The following ATAD2B variants were observed in gnomAD, a reference collection of about 807,000 sequenced individuals.
ATAD2B encodes ATPase family AAA domain containing 2B.
A neutral mutation model predicts 167.6 loss-of-function variants in ATAD2B; 40 were observed. The observed-to-expected ratio is 0.24, with a 90% CI of 0.19 to 0.31. The LOEUF (loss-of-function observed/expected upper bound fraction) is 0.31. Among genes scored for constraint, ATAD2B ranks in the 10% least tolerant of loss-of-function variants. The pLI is 1.00. For missense variants in ATAD2B, 1,242 were observed against 1,757.2 expected (o/e 0.71, Z 5.24); for synonymous variants, 579 against 596.5 (o/e 0.97, Z 0.43).
At chr2:23,894,788 T>TG (rs1022547277) in intron 2 of ATAD2B, among the ~76,000 whole-genome samples, 2 of 152,160 alleles carry the variant, frequency 1.3e-5, no homozygotes, top group Non-Finnish European at 2.9e-5. Flanking sequence ...TGTATGGGTG[T>TG]GGGAAAGAAA....
intron 18 of ATAD2B, among the ~76,000 whole-genome samples, chr2:23,805,795 T>TAAAAAAAAAAAAAAAA (rs3030816): frequency 6.9e-5 from 7 of 100,960 alleles, no homozygotes; most frequent in Admixed American, 2.4e-4. Flanking sequence ...TATCAAGCTT[T>TAAAAAAAAAAAAAAAA]AAAAAAAAAA....
the ATAD2B span, chr2:23,693,421 G>C: frequency 6.4e-7 from 1 of 1,551,714 alleles, no homozygotes. Flanking sequence ...CTCCAAGGAC[G>C]ACTTCATCGC....
At chr2:23,879,729 G>A (rs1410830647) in intron 7 of ATAD2B, among the ~76,000 whole-genome samples, 4 of 151,982 alleles carry the variant, frequency 2.6e-5, no homozygotes, top group African/African-American at 7.2e-5. Context: ...TTGTGACCTC[G>A]GGTAAGTCAC....
At chr2:23,691,885 G>A in the ATAD2B span, 183 of 1,546,308 alleles carry the variant, frequency 1.2e-4, no homozygotes, top group Non-Finnish European at 1.5e-4. Context: ...CGGTGAGCCC[G>A]GGGGCCACAT....
rs1573053676 is a variant in ATAD2B, at chr2:23,854,957, G to A, written c.1568+2458C>T. Among the ~76,000 whole-genome samples, 3 of 152,296 alleles carry A rather than the reference G, an allele frequency of 2.0e-5. No individual in the cohort carries two copies. In the South Asian group the frequency reaches 6.2e-4, roughly 32 times the overall value. ...TGCCTGTAATCCCAGCACTTTGGGA[G>A]GCCACGGCAGGCAGATCACTTGAGG... On this transcript the variant is annotated intron_variant, in intron 13 of 27. Transcript: ENST00000238789.
intron 22 of ATAD2B, among the ~76,000 whole-genome samples, chr2:23,781,533 C>G (rs1680056708): frequency 6.6e-6 from 1 of 151,674 alleles, no homozygotes; most frequent in Non-Finnish European, 1.5e-5. Flanking sequence ...GACGTGGTGG[C>G]AGGTGCCTGA....
downstream of ATAD2B, among the ~76,000 whole-genome samples, chr2:23,746,601 G>A (rs1184009261): frequency 6.6e-6 from 1 of 152,090 alleles, no homozygotes; most frequent in Non-Finnish European, 1.5e-5. Flanking sequence ...AAGGATTAGT[G>A]CCCAAACTAA....
intron 1 of ATAD2B, among the ~76,000 whole-genome samples, chr2:23,917,096 G>A (rs537221010): frequency 1.3e-5 from 2 of 152,298 alleles, no homozygotes; most frequent in South Asian, 2.1e-4. Flanking sequence ...CTATGATTTT[G>A]CAACTCAAAA....
At chr2:23,741,222 CA>C in the ATAD2B span, among the ~76,000 whole-genome samples, 1 of 151,972 alleles carries the variant, frequency 6.6e-6, no homozygotes, top group Non-Finnish European at 1.5e-5. Context: ...CATATGGAAC[CA>C]AAAAAGAGCC....
At chr2:23,785,334 ATT>A (rs1209755316) in intron 21 of ATAD2B, among the ~76,000 whole-genome samples, 1 of 152,136 alleles carries the variant, frequency 6.6e-6, no homozygotes, top group Non-Finnish European at 1.5e-5. Context: ...TAAAGATTAC[ATT>A]GTGTTCATCC....
rs188224470 is a variant in ATAD2B at position 23,779,235 on chromosome 2, G to A, written c.3133+3634C>T. Among the ~76,000 whole-genome samples the A allele has an allele frequency of 2.1e-3, 316 of 147,504 alleles. 1 individual carries two copies. The highest frequency in any genetic ancestry group is 3.7e-3 in the Non-Finnish European group (250 of 67,310). On this transcript the variant is annotated intron_variant, in intron 22 of 27. Transcript: ENST00000238789. ...CTGTCTCCCAGGCTGGAGTGCAGTG[G>A]CGTGATCTCAGCTCACTGCAAGCTC...
chr2:23,723,386 AGAGGAGAGGT>A, the ATAD2B span, among the ~76,000 whole-genome samples: 2 of 139,236 alleles, frequency 1.4e-5, no homozygotes, highest in Admixed American at 7.2e-5. Context: ...AGGGGCAGGG[AGAGGAGAGGT>A]GAGGAGAGGC....
rs529006305 is a variant in ATAD2B at position 23,766,075 on chromosome 2, A to G, written c.3134-447T>C. Among the ~76,000 whole-genome samples the G allele has an allele frequency of 5.9e-5, 9 of 152,328 alleles. No homozygotes were observed. In the South Asian group the frequency reaches 1.7e-3, roughly 28 times the overall value. ...TCAAAACTATGCTAAAGAATACAATATATTTTAAAGGTGACTTATTTTTTT... is the reference window on the plus strand; with the variant it reads ...TCAAAACTATGCTAAAGAATACAATGTATTTTAAAGGTGACTTATTTTTTT... On this transcript the variant is annotated intron_variant, in intron 22 of 27. Transcript: ENST00000238789.
intron 18 of ATAD2B, among the ~76,000 whole-genome samples, chr2:23,803,204 A>T (rs1425824484): frequency 6.6e-6 from 1 of 152,090 alleles, no homozygotes; most frequent in African/African-American, 2.4e-5. Flanking sequence ...TGTAGGACTC[A>T]GTAATTACTT....
At chr2:23,779,603 G>A (rs1438213550) in intron 22 of ATAD2B, among the ~76,000 whole-genome samples, 1 of 151,966 alleles carries the variant, frequency 6.6e-6, no homozygotes, top group Non-Finnish European at 1.5e-5. Flanking sequence ...AAATAATTAA[G>A]AATCAACATA....
chr2:23,743,339 G>A, the ATAD2B span, among the ~76,000 whole-genome samples: 1 of 152,142 alleles, frequency 6.6e-6, no homozygotes. Context: ...GGCCGAGGCA[G>A]GTGGATCATT....
chr2:23,853,284 A>T (rs1376485630), intron 13 of ATAD2B, among the ~76,000 whole-genome samples: 1 of 152,248 alleles, frequency 6.6e-6, no homozygotes, highest in Non-Finnish European at 1.5e-5. Context: ...GAAGAAGTAG[A>T]AGTACCTTTA....
chr2:23,855,038 TA>T lies in ATAD2B; in HGVS notation c.1568+2376del, dbSNP rs1211370697. 9.9e-5 allele frequency among the ~76,000 whole-genome samples: 15 copies of T among 151,960 alleles called. No individual in the cohort carries two copies. In the East Asian group the frequency reaches 2.9e-3, roughly 30 times the overall value. On this transcript the variant is annotated intron_variant, in intron 13 of 27. Transcript: ENST00000238789. ...GGCAAAACCCTGTCTCTACTAAAAA[TA>T]CAAAATTAGCCGGGCATGGTGGTGC... is the stretch of plus-strand genomic sequence containing the variant.
intron 22 of ATAD2B, among the ~76,000 whole-genome samples, chr2:23,766,100 T>C (rs1677374789): frequency 6.6e-6 from 1 of 152,178 alleles, no homozygotes; most frequent in Non-Finnish European, 1.5e-5. Flanking sequence ...CTTATTTTTT[T>C]TTAAATGTGA....
Sources: gnomAD v4.1 joint callset for allele counts (sites outside exome capture counted in the v4.1 genomes callset) on GRCh38, gnomAD v4.1.1 for gene constraint, MANE v1.5 for transcripts, NCBI Gene and HGNC (gene_info 2026-07-23, HGNC 2026-07-21) for gene names.